DGKH: variants seen among roughly 807,000 people sequenced by gnomAD.
DGKH encodes DAG kinase eta.
In DGKH, 90 loss-of-function variants were observed where a neutral mutation model predicts 159.3. That is an observed-to-expected ratio of 0.57 (90% CI 0.48 to 0.67). The LOEUF (loss-of-function observed/expected upper bound fraction) is 0.67, where lower values mean the gene tolerates loss of function less well. DGKH is among the 30% of genes least tolerant of loss of function. The pLI is 0.00. For missense variants in DGKH, 1,181 were observed against 1,506.1 expected, an observed-to-expected ratio of 0.78 and a Z score of 3.57; for synonymous variants, 536 against 553.8, an observed-to-expected ratio of 0.97 and a Z score of 0.45.
At chr13:42,158,786 C>G (rs2137968894) in intron 5 of DGKH, among the ~76,000 whole-genome samples, 1 of 152,270 alleles carries the variant, frequency 6.6e-6, no homozygotes, top group Admixed American at 6.5e-5. Flanking sequence ...CTTTATCGTA[C>G]TGACATTTTC....
intron 1 of DGKH, among the ~76,000 whole-genome samples, chr13:42,116,404 A>G (rs1337694157): frequency 6.6e-6 from 1 of 152,224 alleles, no homozygotes; most frequent in Non-Finnish European, 1.5e-5. Flanking sequence ...GCCAAATTCC[A>G]TTCCTTAGAT....
At chr13:42,094,319 C>G in intron 1 of DGKH, among the ~76,000 whole-genome samples, 1 of 152,176 alleles carries the variant, frequency 6.6e-6, no homozygotes, top group Admixed American at 6.6e-5. Context: ...TTGATCAACT[C>G]TGATGATACT....
At chr13:42,225,018 C>T (rs1433448355) in intron 29 of DGKH, among the ~76,000 whole-genome samples, 2 of 152,114 alleles carry the variant, frequency 1.3e-5, no homozygotes, top group Non-Finnish European at 2.9e-5. Flanking sequence ...ACCTCCTGAG[C>T]TCAGGTGACC....
chr13:42,247,284 A>G (rs1958588906), downstream of DGKH, among the ~76,000 whole-genome samples: 2 of 146,546 alleles, frequency 1.4e-5, no homozygotes, highest in African/African-American at 5.1e-5. Flanking sequence ...AGGCTGGAAT[A>G]CAATGGCATG....
At position 42,239,239 on chromosome 13, in the gene DGKH, A is replaced by G. The variant is rs1958473689; in HGVS notation, c.*10051A>G. 6.6e-6 allele frequency: 1 copy of G among 152,226 alleles called. No individual in the cohort carries two copies. Among genetic ancestry groups the G allele is most frequent in the Non-Finnish European group, 1.5e-5 (1 of 67,994 alleles). 9.4% of individuals were successfully genotyped at this position (152,226 alleles called of 1,614,324 possible). On this transcript the variant is annotated 3_prime_UTR_variant, in exon 30 of 30. Coordinates refer to ENST00000337343, the MANE Select transcript of DGKH (RefSeq NM_178009.5). ...TAATTGCGCAGCATTTTAAAAAAAT[A>G]TACATAATTATGAGGATGAGAGAAT...
At position 42,234,145 on chromosome 13, in the gene DGKH, T is replaced by TA. The variant is rs1958363811; in HGVS notation, c.*4958dup. The TA allele has an allele frequency of 6.6e-6, 1 of 152,028 alleles. No homozygotes were observed. Among genetic ancestry groups the TA allele is most frequent in the Non-Finnish European group, 1.5e-5 (1 of 68,002 alleles). 9.4% of individuals were successfully genotyped at this position (152,028 alleles called of 1,614,324 possible). On this transcript the variant is annotated 3_prime_UTR_variant, in exon 30 of 30. Coordinates refer to ENST00000337343, the MANE Select transcript of DGKH (RefSeq NM_178009.5). ...CCCCAAATAACAGTTTACTTAATTT[T>TA]ATAAGATTTTTCCCAATGAGACTTA... is the stretch of plus-strand genomic sequence containing the variant.
intron 29 of DGKH, among the ~76,000 whole-genome samples, chr13:42,222,443 A>G (rs1005665048): frequency 1.2e-4 from 19 of 152,312 alleles, no homozygotes; most frequent in African/African-American, 4.1e-4. Flanking sequence ...AGATGACACC[A>G]CTTATACCTA....
At chr13:42,153,374 G>A (rs1387305700) in intron 3 of DGKH, among the ~76,000 whole-genome samples, 2 of 152,130 alleles carry the variant, frequency 1.3e-5, no homozygotes, top group Non-Finnish European at 2.9e-5. Flanking sequence ...GCTTTACTTA[G>A]AATTCAGCAA....
At chr13:42,214,640 C>G (rs1957743618) in intron 25 of DGKH, 28 bp downstream of exon 25, 6 of 1,601,612 alleles carry the variant, frequency 3.7e-6, no homozygotes, top group Non-Finnish European at 5.1e-6. Flanking sequence ...AATTCTCATT[C>G]CACAGATTCT....
At chr13:42,070,907 GA>G in intron 1 of DGKH, 5 of 1,271,418 alleles carry the variant, frequency 3.9e-6, no homozygotes, top group Non-Finnish European at 5.7e-6. Flanking sequence ...ATTTCACATA[GA>G]GCATGTTTGA....
rs560134926 is a variant in DGKH, at chr13:42,167,496, C to CCT, written c.1118+825_1118+826dup. ...TTCTCTCCTTTCTTCTCTCTTGGTG[C>CCT]CTCTGTTCACTTTTGCCCCCTGAGT... On this transcript the variant is annotated intron_variant, in intron 9 of 29. Coordinates refer to ENST00000337343, the MANE Select transcript of DGKH (RefSeq NM_178009.5). 5.9e-5 allele frequency among the ~76,000 whole-genome samples: 9 copies of CCT among 152,266 alleles called. No individual in the cohort carries two copies. The South Asian group carries it at 1.9e-3, about 32-fold the overall frequency.
intron 16 of DGKH, among the ~76,000 whole-genome samples, chr13:42,192,935 A>G (rs1173716047): frequency 2.0e-5 from 3 of 152,186 alleles, no homozygotes; most frequent in South Asian, 2.1e-4. Flanking sequence ...CATTAAGGAC[A>G]TTTTTGATGT....
chr13:42,070,697 T>C, intron 1 of DGKH: 1 of 1,612,036 alleles, frequency 6.2e-7, no homozygotes, highest in Non-Finnish European at 8.5e-7. Flanking sequence ...AGCTGATACA[T>C]GAAAAGCCTG....
At chr13:42,072,365 C>T (rs988156367) in intron 1 of DGKH, among the ~76,000 whole-genome samples, 2 of 152,194 alleles carry the variant, frequency 1.3e-5, no homozygotes, top group African/African-American at 2.4e-5. Context: ...ATGTACCTAC[C>T]TCACAGAGTT....
intron 15 of DGKH, 46 bp from the exon 16 acceptor site, chr13:42,190,357 C>T (rs762128445): frequency 1.3e-6 from 2 of 1,579,060 alleles, no homozygotes; most frequent in Admixed American, 1.9e-5. Context: ...TATTAATGGG[C>T]TTTATTTTCA....
intron 29 of DGKH, among the ~76,000 whole-genome samples, chr13:42,228,685 A>T (rs533596541): frequency 1.9e-5 from 1 of 52,292 alleles, no homozygotes; most frequent in Non-Finnish European, 4.2e-5. Context: ...AAGAGAAAAG[A>T]AAGAGAGAGA....
chr13:42,254,067 G>A (rs1027552543), intron 30 of DGKH, among the ~76,000 whole-genome samples: 2 of 151,822 alleles, frequency 1.3e-5, no homozygotes, highest in African/African-American at 4.8e-5. Flanking sequence ...TCTGGTGGGA[G>A]AGTATATTGG....
At chr13:42,075,292 C>A (rs370938340) in intron 1 of DGKH, among the ~76,000 whole-genome samples, 21 of 152,018 alleles carry the variant, frequency 1.4e-4, no homozygotes, top group African/African-American at 4.8e-4. Context: ...GCTTTTGGGG[C>A]TAGAAGATTG....
At position 42,240,413 on chromosome 13, in the gene DGKH, A is replaced by G. The variant is rs1040794905; in HGVS notation, c.*11225A>G. 9 of 152,252 alleles carry G rather than the reference A, an allele frequency of 5.9e-5. No individual in the cohort carries two copies. The highest frequency in any genetic ancestry group is 1.4e-4 in the African/African-American group (6 of 41,472). The allele number at this position is 152,252 out of a possible 1,614,324, so 9.4% of individuals were successfully genotyped here. ...AAAATGAGGCTTCTAAAATTTTCAC[A>G]TAACTGCCAAACTCTTATTTGTAAT... On this transcript the variant is annotated 3_prime_UTR_variant, in exon 30 of 30. Transcript: ENST00000337343.
Sources: allele counts gnomAD v4.1 joint callset (sites outside exome capture counted in the v4.1 genomes callset), GRCh38; gene constraint gnomAD v4.1.1; transcripts MANE v1.5; gene names NCBI Gene and HGNC (gene_info 2026-07-23, HGNC 2026-07-21).